Variants in NAV2 observed in about 807,000 individuals in gnomAD.
The protein encoded by NAV2 is helicase, APC down-regulated 1.
In NAV2, 54 loss-of-function variants were observed where a neutral mutation model predicts 223.2. The observed-to-expected ratio is 0.24, with a 90% CI of 0.19 to 0.30. The LOEUF (loss-of-function observed/expected upper bound fraction) is 0.30, where lower values mean the gene tolerates loss of function less well. Among genes scored for constraint, NAV2 ranks in the 10% least tolerant of loss-of-function variants. The pLI, the probability that NAV2 is intolerant of heterozygous loss-of-function variation, is 1.00. For missense variants in NAV2, 2,806 were observed against 3,147.5 expected, an observed-to-expected ratio of 0.89 and a Z score of 2.60; for synonymous variants, 1,279 against 1,239.3, an observed-to-expected ratio of 1.03 and a Z score of -0.67.
intron 1 of NAV2, among the ~76,000 whole-genome samples, chr11:19,693,250 A>T (rs532746661): frequency 3.9e-5 from 6 of 152,112 alleles, no homozygotes; most frequent in Non-Finnish European, 7.3e-5. Flanking sequence ...ATGGGAGGGG[A>T]TGCTGTGTTT....
chr11:20,048,586 GTACCGT>G, intron 14 of NAV2, 136 bp from the exon 15 acceptor site: 1 of 690,408 alleles, frequency 1.4e-6, no homozygotes, highest in Admixed American at 2.7e-5. Flanking sequence ...TTTCCCTGAA[GTACCGT>G]TAGCCATTTC....
At chr11:19,777,100 C>A (rs113091872) in intron 1 of NAV2, among the ~76,000 whole-genome samples, 2 of 150,670 alleles carry the variant, frequency 1.3e-5, no homozygotes, top group East Asian at 2.0e-4. Context: ...CCGACCCCCC[C>A]CCCCACCCCG....
At chr11:19,831,250 T>TGGG (rs543941517) in intron 1 of NAV2, among the ~76,000 whole-genome samples, 1 of 5,012 alleles carries the variant, frequency 2.0e-4, no homozygotes, top group Non-Finnish European at 4.1e-4. Flanking sequence ...CGATGGGGAG[T>TGGG]GGGGGGGGAT....
chr11:19,692,667 A>T (rs1328434416), intron 1 of NAV2, among the ~76,000 whole-genome samples: 3 of 152,220 alleles, frequency 2.0e-5, no homozygotes, highest in African/African-American at 7.2e-5. Flanking sequence ...CTCCACAGGC[A>T]TTTTGCATAT....
At chr11:20,027,429 T>C in intron 11 of NAV2, 1 of 985,526 alleles carries the variant, frequency 1.0e-6, no homozygotes, top group South Asian at 4.7e-5. Flanking sequence ...GTAAATGGGC[T>C]GTGCCTTGAT....
chr11:19,730,974 T>C (rs2078928833), intron 1 of NAV2, among the ~76,000 whole-genome samples: 1 of 152,248 alleles, frequency 6.6e-6, no homozygotes. Context: ...TGAACCAAGA[T>C]ATGAGTTCAT....
At chr11:19,621,552 C>G (rs1379312290) in intron 1 of NAV2, among the ~76,000 whole-genome samples, 1 of 152,028 alleles carries the variant, frequency 6.6e-6, no homozygotes. Context: ...TAGAGGTGTT[C>G]GTAATATTCT....
At chr11:19,881,517 G>GC (rs2063203330) in intron 5 of NAV2, among the ~76,000 whole-genome samples, 1 of 152,124 alleles carries the variant, frequency 6.6e-6, no homozygotes, top group Non-Finnish European at 1.5e-5. Context: ...TCTGTGGGGG[G>GC]AAAATATTGG....
At chr11:19,490,734 C>G (rs1245066582) in intron 1 of NAV2, among the ~76,000 whole-genome samples, 1 of 152,216 alleles carries the variant, frequency 6.6e-6, no homozygotes, top group Non-Finnish European at 1.5e-5. Context: ...CGGCCTTCTC[C>G]CATGAATCAT....
intron 7 of NAV2, among the ~76,000 whole-genome samples, chr11:19,935,864 T>TTTTTTTTTTTTTTTTTTTTTTTTTTTTTG (rs1353477125): frequency 2.0e-5 from 2 of 101,174 alleles, no homozygotes; most frequent in African/African-American, 7.0e-5. Flanking sequence ...TTTTTTTTTT[T>TTTTTTTTTTTTTTTTTTTTTTTTTTTTTG]TTTTTTTTTT....
At chr11:19,892,001 C>A (rs2041538885) in intron 5 of NAV2, among the ~76,000 whole-genome samples, 1 of 152,108 alleles carries the variant, frequency 6.6e-6, no homozygotes. Flanking sequence ...CTCTGTCACC[C>A]AGGCTGGAGT....
intron 11 of NAV2, among the ~76,000 whole-genome samples, chr11:20,020,114 C>T (rs2054373620): frequency 6.6e-6 from 1 of 152,166 alleles, no homozygotes; most frequent in Non-Finnish European, 1.5e-5. Flanking sequence ...AGTGTCTTCA[C>T]TAGCATTGTT....
At chr11:19,637,100 C>T (rs1175134482) in intron 1 of NAV2, among the ~76,000 whole-genome samples, 1 of 152,198 alleles carries the variant, frequency 6.6e-6, no homozygotes, top group Non-Finnish European at 1.5e-5. Flanking sequence ...TGGGAAGCCT[C>T]ACTACTTCCC....
chr11:20,094,559 A>G (rs2061106491), intron 29 of NAV2, among the ~76,000 whole-genome samples: 1 of 152,134 alleles, frequency 6.6e-6, no homozygotes. Context: ...AATGCAGGTT[A>G]CACCTTGTGG....
intron 11 of NAV2, among the ~76,000 whole-genome samples, chr11:20,021,336 A>G (rs1180975744): frequency 1.3e-5 from 2 of 152,232 alleles, no homozygotes; most frequent in African/African-American, 4.8e-5. Flanking sequence ...GAATGAATAA[A>G]TGAATACATC....
chr11:19,524,659 A>G (rs1047101366), intron 1 of NAV2, among the ~76,000 whole-genome samples: 1 of 152,160 alleles, frequency 6.6e-6, no homozygotes, highest in Non-Finnish European at 1.5e-5. Context: ...CCAGGCTTGT[A>G]ACAGACTCTT....
At chr11:19,891,917 A>G (rs1413105213) in intron 5 of NAV2, among the ~76,000 whole-genome samples, 1 of 152,182 alleles carries the variant, frequency 6.6e-6, no homozygotes, top group African/African-American at 2.4e-5. Flanking sequence ...ATTCAAAAGT[A>G]AAAATACTTA....
At chr11:19,942,648 G>A (rs964094807) in intron 8 of NAV2, among the ~76,000 whole-genome samples, 2 of 152,164 alleles carry the variant, frequency 1.3e-5, no homozygotes, top group Admixed American at 1.3e-4. Context: ...TTGTGTGGGG[G>A]TTACCAAAAG....
chr11:19,589,579 A>G (rs1489909098), intron 1 of NAV2, among the ~76,000 whole-genome samples: 1 of 152,204 alleles, frequency 6.6e-6, no homozygotes, highest in Non-Finnish European at 1.5e-5. Context: ...GCATATCCAT[A>G]TCCACAATAG....
Sources: allele counts gnomAD v4.1 joint callset (sites outside exome capture counted in the v4.1 genomes callset), GRCh38; gene constraint gnomAD v4.1.1; transcripts MANE v1.5; gene names NCBI Gene and HGNC (gene_info 2026-07-23, HGNC 2026-07-21).